Variants in E2F3 observed in about 807,000 individuals in gnomAD.
E2F3 encodes the protein E2F transcription factor 3.
Under a neutral mutation model 44.4 loss-of-function variants are expected in E2F3, and 11 were observed. The ratio of observed to expected loss-of-function variants is 0.25; its 90% CI spans 0.16 to 0.41. The LOEUF is 0.41. Among genes scored for constraint, E2F3 ranks in the 10% least tolerant of loss-of-function variants. E2F3 has a pLI of 1.00. For synonymous variants in E2F3, 249 were observed against 253.0 expected, an observed-to-expected ratio of 0.98 and a Z score of 0.15; for missense variants, 487 against 583.6, an observed-to-expected ratio of 0.83 and a Z score of 1.70.
intron 1 of E2F3, among the ~76,000 whole-genome samples, chr6:20,456,855 A>C (rs914491561): frequency 6.6e-6 from 1 of 152,206 alleles, no homozygotes; most frequent in Non-Finnish European, 1.5e-5. Context: ...TAATTGCAAA[A>C]AGTTGGTTAT....
At chr6:20,414,992 A>G (rs56343863) in intron 1 of E2F3, among the ~76,000 whole-genome samples, 5,449 of 152,238 alleles carry the variant, frequency 0.036, 158 homozygotes, top group Middle Eastern at 0.082. Context: ...TTTATAGGAA[A>G]TGTACTTTGT....
At chr6:20,443,038 A>G (rs1760827076) in intron 1 of E2F3, among the ~76,000 whole-genome samples, 1 of 152,164 alleles carries the variant, frequency 6.6e-6, no homozygotes, top group African/African-American at 2.4e-5. Context: ...CAGGTGGCTC[A>G]TGGGCACCAC....
intron 1 of E2F3, among the ~76,000 whole-genome samples, chr6:20,454,302 A>AG (rs1761237576): frequency 6.6e-6 from 1 of 152,228 alleles, no homozygotes; most frequent in Non-Finnish European, 1.5e-5. Context: ...GGTGTTTCTG[A>AG]GCATGCTCAA....
chr6:20,445,284 G>A (rs1225981203), intron 1 of E2F3, among the ~76,000 whole-genome samples: 2 of 151,016 alleles, frequency 1.3e-5, no homozygotes, highest in Non-Finnish European at 2.9e-5. Context: ...CTGTCCCCCA[G>A]GCTGGAGTAC....
In E2F3 at chr6:20,426,441, T is replaced by C. The variant is rs532121666; in HGVS notation, c.393+23816T>C. ...TTGCACTCTTAATTTTGTGAAAGCA[T>C]AGGTTTACTTCCAGACTGAGAGGTA... is the stretch of plus-strand genomic sequence containing the variant. On this transcript the variant is annotated intron_variant, in intron 1 of 6. Transcript: ENST00000346618. 6.6e-5 allele frequency among the ~76,000 whole-genome samples: 10 copies of C among 152,370 alleles called. No individual in the cohort carries two copies. The South Asian group carries it at 2.1e-3, about 32-fold the overall frequency.
At chr6:20,479,618 T>C (rs952679167) in intron 1 of E2F3, among the ~76,000 whole-genome samples, 2 of 152,234 alleles carry the variant, frequency 1.3e-5, no homozygotes, top group Admixed American at 1.3e-4. Flanking sequence ...TGTTTGTCCA[T>C]CTGGGTGTGG....
At chr6:20,484,232 C>T (rs1021910853) in intron 4 of E2F3, among the ~76,000 whole-genome samples, 5 of 152,148 alleles carry the variant, frequency 3.3e-5, no homozygotes, top group African/African-American at 1.2e-4. Context: ...ACTTCGAACC[C>T]AAGGAGTAAA....
intron 1 of E2F3, among the ~76,000 whole-genome samples, chr6:20,439,314 A>G (rs962629809): frequency 1.3e-5 from 2 of 152,266 alleles, no homozygotes; most frequent in African/African-American, 4.8e-5. Flanking sequence ...TTTTGAACTG[A>G]GTTCCAGAAT....
Position 20,492,676 on chromosome 6 carries a change from A to T in E2F3, c.*2246A>T, listed in dbSNP as rs959276506. ...TTTTGTTGAATTTTTTCATAATGTAATGCCGTATTTATTGTTTTTAAAATG... is the reference window on the plus strand; with the variant it reads ...TTTTGTTGAATTTTTTCATAATGTATTGCCGTATTTATTGTTTTTAAAATG... On this transcript the variant is annotated 3_prime_UTR_variant, in exon 7 of 7. Coordinates refer to ENST00000346618, the MANE Select transcript of E2F3 (RefSeq NM_001949.5). The T allele has an allele frequency of 2.2e-5, 5 of 231,884 alleles. No homozygotes were observed. Among genetic ancestry groups the T allele is most frequent in the African/African-American group, 1.1e-4 (5 of 45,256 alleles). 14.4% of individuals were successfully genotyped at this position (231,884 alleles called of 1,614,324 possible).
intron 1 of E2F3, among the ~76,000 whole-genome samples, chr6:20,439,397 G>A (rs77962221): frequency 0.19 from 28,729 of 152,054 alleles, 3,164 homozygotes; most frequent in South Asian, 0.32. Context: ...TTACTGAGAC[G>A]TTTTGTTTGT....
intron 1 of E2F3, among the ~76,000 whole-genome samples, chr6:20,450,807 G>A (rs1029934262): frequency 4.1e-4 from 62 of 152,204 alleles, no homozygotes; most frequent in African/African-American, 1.4e-3. Flanking sequence ...TTTTATATAT[G>A]GTATAACGAA....
intron 1 of E2F3, among the ~76,000 whole-genome samples, chr6:20,474,997 T>G (rs894584287): frequency 2.6e-5 from 4 of 152,340 alleles, no homozygotes; most frequent in African/African-American, 9.6e-5. Flanking sequence ...GACAGCAGTT[T>G]GTAGAGCCTA....
chr6:20,472,548 G>A (rs1761928255), intron 1 of E2F3, among the ~76,000 whole-genome samples: 2 of 152,004 alleles, frequency 1.3e-5, no homozygotes, highest in Admixed American at 1.3e-4. Context: ...GCCACTCATG[G>A]TAGTGCTACT....
chr6:20,406,517 GTGATC>G (rs778635019), intron 1 of E2F3, among the ~76,000 whole-genome samples: 10 of 152,142 alleles, frequency 6.6e-5, no homozygotes, highest in Non-Finnish European at 1.0e-4. Flanking sequence ...AAGTCTTTAA[GTGATC>G]TGTAATTAAT....
intron 1 of E2F3, among the ~76,000 whole-genome samples, chr6:20,449,409 G>A (rs902961024): frequency 4.6e-5 from 7 of 151,960 alleles, no homozygotes; most frequent in African/African-American, 1.5e-4. Context: ...ATGCTATTCT[G>A]CACCTTGTTT....
intron 1 of E2F3, among the ~76,000 whole-genome samples, chr6:20,424,210 G>GGTATGTGTGTGTGTGTGTGT (rs58738322): frequency 2.9e-5 from 4 of 136,998 alleles, no homozygotes; most frequent in South Asian, 2.4e-4. Context: ...TCAGTGGAAG[G>GGTATGTGTGTGTGTGTGTGT]GTGTGTGTGT....
At chr6:20,425,869 T>G (rs1225982864) in intron 1 of E2F3, among the ~76,000 whole-genome samples, 2 of 152,246 alleles carry the variant, frequency 1.3e-5, no homozygotes, top group African/African-American at 4.8e-5. Flanking sequence ...AGGTGGTTGC[T>G]TCTTCATTTG....
chr6:20,459,371 T>A (rs1333506375), intron 1 of E2F3, among the ~76,000 whole-genome samples: 1 of 152,202 alleles, frequency 6.6e-6, no homozygotes, highest in Non-Finnish European at 1.5e-5. Flanking sequence ...ATGTACTGAT[T>A]TCAGAACAGT....
At chr6:20,460,716 C>T (rs950081100) in intron 1 of E2F3, among the ~76,000 whole-genome samples, 1 of 152,074 alleles carries the variant, frequency 6.6e-6, no homozygotes, top group Non-Finnish European at 1.5e-5. Flanking sequence ...CATGTTTTGG[C>T]CAGGCATGGT....
Sources: allele counts gnomAD v4.1 joint callset (sites outside exome capture counted in the v4.1 genomes callset), GRCh38; gene constraint gnomAD v4.1.1; transcripts MANE v1.5; gene names NCBI Gene and HGNC (gene_info 2026-07-23, HGNC 2026-07-21).